FLT4: variants seen among roughly 807,000 people sequenced by gnomAD.
The protein encoded by FLT4 is fms related receptor tyrosine kinase 4.
In FLT4, 30 loss-of-function variants were observed where a neutral mutation model predicts 163.2. The observed-to-expected ratio is 0.18, with a 90% CI of 0.14 to 0.25. The LOEUF is 0.25. FLT4 is among the 10% of genes least tolerant of loss of function. FLT4 has a pLI of 1.00. For missense variants in FLT4, 1,510 were observed against 1,863.8 expected, an observed-to-expected ratio of 0.81 and a Z score of 3.50; for synonymous variants, 884 against 789.5, an observed-to-expected ratio of 1.12 and a Z score of -2.01.
At chr5:180,619,185 C>A in intron 19 of FLT4, 68 bp downstream of exon 19, 2 of 1,301,638 alleles carry the variant, frequency 1.5e-6, no homozygotes, top group Non-Finnish European at 9.9e-7. Context: ...TTTGCACCCG[C>A]GCCCCCTCCC....
chr5:180,621,393 C>G, intron 13 of FLT4, 141 bp from the exon 14 acceptor site: 1 of 1,418,584 alleles, frequency 7.0e-7, no homozygotes, highest in Non-Finnish European at 9.5e-7. Context: ...GGCGCGCCTC[C>G]GCAGGGGGCG....
At chr5:180,625,781 C>T (rs894483411) in intron 10 of FLT4, 88 bp downstream of exon 10, 2 of 1,225,550 alleles carry the variant, frequency 1.6e-6, no homozygotes, top group African/African-American at 3.0e-5. Context: ...AAGACCTGGG[C>T]AGTGAGGGGT....
chr5:180,640,909 T>C (rs938513258), intron 1 of FLT4, among the ~76,000 whole-genome samples: 2 of 152,162 alleles, frequency 1.3e-5, no homozygotes, highest in African/African-American at 4.8e-5. Context: ...GCGCTGGCCT[T>C]AGCTGGTTTC....
intron 24 of FLT4, 77 bp downstream of exon 24, chr5:180,613,991 T>C: frequency 9.8e-7 from 1 of 1,019,360 alleles, no homozygotes; most frequent in Non-Finnish European, 1.6e-6. Flanking sequence ...AGTCCCTTAC[T>C]CCAGCAGGGG....
At chr5:180,608,936 C>T in intron 29 of FLT4, 32 bp downstream of exon 29, 3 of 1,562,734 alleles carry the variant, frequency 1.9e-6, no homozygotes, top group Non-Finnish European at 2.6e-6. Flanking sequence ...AACATCGATA[C>T]CTGCAGTGCA....
chr5:180,621,089 A>AG lies in FLT4; in HGVS notation c.2167+16dup. On this transcript the variant is annotated intron_variant, in intron 14 of 29. Transcript: ENST00000261937. The stretch of plus-strand genomic sequence containing the variant: ...CGGGCCTCCGGACCTGCCCTTCGCC[A>AG]GGGCCACCCTCCCTACCAGACTTTT... The AG allele has an allele frequency of 6.2e-7, 1 of 1,612,734 alleles. No homozygotes were observed. Among genetic ancestry groups the AG allele is most frequent in the African/African-American group, 1.3e-5 (1 of 75,038 alleles).
rs1581652243 is a variant in FLT4 at position 180,621,771 on chromosome 5, C to T, written c.1791G>A (p.Thr597=). The T allele has an allele frequency of 6.2e-7, 1 of 1,613,334 alleles. No homozygotes were observed. The highest frequency in any genetic ancestry group is 8.5e-7 in the Non-Finnish European group (1 of 1,179,990). Residue 597 remains threonine (T), a synonymous_variant, in exon 13 of 30, where the codon ACG becomes ACA. Transcript: ENST00000261937. The part of the protein sequence containing the change: ...HLRWYRLNLS[T]LHDAHGNPLL... The stretch of plus-strand genomic sequence containing the variant: ...GCGGGTTCCCGTGCGCATCGTGCAG[C>T]GTGGACAGGTTGAGGCGGTACCAGC...
In FLT4 at chr5:180,620,583, C is replaced by A; in HGVS notation, c.2406+26G>T. ...GGTGGGGAAGGCCTGAGAGAGACTC[C>A]ATCAGGAGCGGGGAGGGACACTCAC... is the stretch of plus-strand genomic sequence containing the variant. On this transcript the variant is annotated intron_variant, in intron 16 of 29. Coordinates refer to ENST00000261937, the MANE Select transcript of FLT4 (RefSeq NM_182925.5). The surrounding 1 kb of genome is among the most constrained non-coding windows in gnomAD (Gnocchi z 4.4). 3 of 1,520,702 alleles carry A rather than the reference C, an allele frequency of 2.0e-6. No individual in the cohort carries two copies. Among genetic ancestry groups the A allele is most frequent in the Non-Finnish European group, 2.7e-6 (3 of 1,096,232 alleles). 94.2% of individuals were successfully genotyped at this position (1,520,702 alleles called of 1,614,324 possible).
At chr5:180,633,274 C>T (rs370449557) in intron 1 of FLT4, among the ~76,000 whole-genome samples, 22 of 152,330 alleles carry the variant, frequency 1.4e-4, no homozygotes, top group African/African-American at 4.6e-4. Flanking sequence ...CACTTCACTA[C>T]GGGTCCAGAG....
chr5:180,626,190 G>C lies in FLT4; in HGVS notation c.1179C>G (p.Ser393Arg), dbSNP rs373516203. ...ALVLKEVTEA[S>R]TGTYTLALWN... ...ACAGGGCGAGGGTGTAGGTGCCTGT[G>C]CTGGCCTCTGTCACCTCCTTGAGCA... The change falls in exon 9 of 30, where the codon AGC becomes AGG. Residue 393 changes from serine to arginine, a missense_variant. Ser to Arg is a moderately radical substitution (Grantham distance 110). Coordinates refer to ENST00000261937, the MANE Select transcript of FLT4 (RefSeq NM_182925.5). 67 of 1,612,884 alleles carry C rather than the reference G, an allele frequency of 4.2e-5. No homozygotes were observed. The African/African-American group carries it at 8.5e-4, about 21-fold the overall frequency.
chr5:180,618,761 G>A lies in FLT4; in HGVS notation c.3001+9C>T. 6.3e-7 allele frequency: 1 copy of A among 1,584,516 alleles called. No homozygotes were observed. Among genetic ancestry groups the A allele is most frequent in the Non-Finnish European group, 8.6e-7 (1 of 1,166,038 alleles). On this transcript the variant is annotated intron_variant, in intron 21 of 29. Transcript: ENST00000261937. ...GGCACTAGGAAAAGGGAAGAGGCCA[G>A]GCTCTCACCTTCTTGGTCTGGAGAA...
rs182819433 is a variant in FLT4, at chr5:180,603,765, G to A, written c.3894-375C>T. 1.6e-3 allele frequency among the ~76,000 whole-genome samples: 237 copies of A among 152,120 alleles called. 4 individuals are homozygous for A. The East Asian group carries it at 0.035, about 23-fold the overall frequency. ...TAAAAATACAAAACATTAGCCGGGC[G>A]TGGTGGCGGGCGCCTGTAGTCCCAG... On this transcript the variant is annotated intron_variant, in intron 29 of 29. Transcript: ENST00000261937.
chr5:180,621,053 C>T (rs1484913732), intron 14 of FLT4, 46 bp from the exon 15 acceptor site: 6 of 1,612,060 alleles, frequency 3.7e-6, no homozygotes, highest in East Asian at 2.2e-5. Flanking sequence ...GGTTTGGGAT[C>T]GTCGGCCTCG....
chr5:180,634,473 C>T (rs547052755), intron 1 of FLT4, among the ~76,000 whole-genome samples: 22 of 152,150 alleles, frequency 1.4e-4, no homozygotes, highest in South Asian at 8.3e-4. Context: ...GAGGCTGAGG[C>T]GGGTGGGTCA....
At chr5:180,626,771 C>T (rs2127829264) in intron 8 of FLT4, among the ~76,000 whole-genome samples, 1 of 152,370 alleles carries the variant, frequency 6.6e-6, no homozygotes, top group South Asian at 2.1e-4. Context: ...AGCTCCTTGA[C>T]ATGTGCGTGG....
In FLT4 at chr5:180,609,039, GTC is replaced by G; in HGVS notation, c.3820_3821del (p.Asp1274GlnfsTer11). 1 of 1,614,152 alleles carries G rather than the reference GTC, an allele frequency of 6.2e-7. No homozygotes were observed. The highest frequency in any genetic ancestry group is 8.5e-7 in the Non-Finnish European group (1 of 1,179,970). ...CCTCCGAGGCCAGCACCATCCCACT[GTC>G]TGTCTGGTTGTCCTGTGTGGAGAGG... ...TYKGSVDNQTDSGMVLASEEF... is the reference protein window; with the variant it reads ...TYKGSVDNQTXSGMVLASEEF... On this transcript the variant is annotated frameshift_variant, in exon 29 of 30. Transcript: ENST00000261937. LOFTEE classifies it high-confidence loss of function.
rs1218869899 is a variant in FLT4 at position 180,620,066 on chromosome 5, G to T, written c.2542+107C>A. 5 of 1,400,452 alleles carry T rather than the reference G, an allele frequency of 3.6e-6. No homozygotes were observed. In the African/African-American group the frequency reaches 5.7e-5, roughly 16 times the overall value. 86.8% of individuals were successfully genotyped at this position (1,400,452 alleles called of 1,614,324 possible). On this transcript the variant is annotated intron_variant, in intron 17 of 29. Coordinates refer to ENST00000261937, the MANE Select transcript of FLT4 (RefSeq NM_182925.5). This position sits in a 1 kb window ranked among gnomAD's most constrained non-coding sequence, Gnocchi z 4.4. ...CCCACAGGGACAGGTCAGGCCAGGCGGAACTTCCTGGTGCAAGTTTTGAAA... is the reference window on the plus strand; with the variant it reads ...CCCACAGGGACAGGTCAGGCCAGGCTGAACTTCCTGGTGCAAGTTTTGAAA...
In FLT4 at chr5:180,612,714, C is replaced by G. The variant is rs1304466010; in HGVS notation, c.3432-103G>C. On this transcript the variant is annotated intron_variant, in intron 25 of 29. Transcript: ENST00000261937. ...GCCCTCTCACCCACTCTGCCCTCCT[C>G]CTGACACGTCTCCCACTCTTGTCCA... 5 of 819,118 alleles carry G rather than the reference C, an allele frequency of 6.1e-6. No individual in the cohort carries two copies. In the East Asian group the frequency reaches 1.0e-4, roughly 17 times the overall value. 50.7% of individuals were successfully genotyped at this position (819,118 alleles called of 1,614,324 possible). A position where few individuals can be genotyped will look rare whatever the true frequency, so the allele number is the denominator to read the frequency against.
rs2127810649 is a variant in FLT4 at position 180,620,194 on chromosome 5, G to A, written c.2521C>T (p.Pro841Ser). The change falls in exon 17 of 30, where the codon CCC becomes TCC. Residue 841 changes from proline (P) to serine (S), a missense_variant. Transcript: ENST00000261937. This position sits in a 1 kb window ranked among gnomAD's most constrained non-coding sequence, Gnocchi z 4.4. The stretch of plus-strand genomic sequence containing the variant: ...TCACCCAGGTGCAGCCGCTCTCGGG[G>A]GAATTCCCACTGGCTGGCATCGTAG... Reference protein sequence around the residue: ...LSYDASQWEFPRERLHLGRVL... With the variant: ...LSYDASQWEFSRERLHLGRVL... The A allele has an allele frequency of 6.2e-7, 1 of 1,609,308 alleles. No individual in the cohort carries two copies. Among genetic ancestry groups the A allele is most frequent in the East Asian group, 2.2e-5 (1 of 44,882 alleles).
Sources: gnomAD v4.1 joint callset for allele counts (sites outside exome capture counted in the v4.1 genomes callset) on GRCh38, gnomAD v4.1.1 for gene constraint, Gnocchi (gnomAD v3.1) non-coding constraint, MANE v1.5 for transcripts, NCBI Gene and HGNC (gene_info 2026-07-23, HGNC 2026-07-21) for gene names.